Variants in PCDH17 observed in about 807,000 individuals in gnomAD.
PCDH17 encodes protocadherin 17.
A neutral mutation model predicts 67.7 loss-of-function variants in PCDH17; 21 were observed. That is an observed-to-expected ratio of 0.31 (90% CI 0.22 to 0.45). The LOEUF (loss-of-function observed/expected upper bound fraction) is 0.45, where lower values mean the gene tolerates loss of function less well. Ranked by LOEUF, PCDH17 falls within the 20% of genes least tolerant of loss-of-function variation. PCDH17 has a pLI of 1.00. For missense variants in PCDH17, 1,471 were observed against 1,564.8 expected, an observed-to-expected ratio of 0.94 and a Z score of 1.01; for synonymous variants, 701 against 656.7, an observed-to-expected ratio of 1.07 and a Z score of -1.03.
At chr13:57,719,512 A>G (rs772893265) in intron 3 of PCDH17, among the ~76,000 whole-genome samples, 2 of 152,038 alleles carry the variant, frequency 1.3e-5, no homozygotes, top group Non-Finnish European at 2.9e-5. Flanking sequence ...TGCAAACTAT[A>G]TGTACGTTTT....
chr13:57,665,254 C>A (rs918140562), intron 1 of PCDH17, among the ~76,000 whole-genome samples: 1 of 43,136 alleles, frequency 2.3e-5, no homozygotes, highest in Non-Finnish European at 4.2e-5. Context: ...AATAAACTAT[C>A]ATTCTTTAAT....
intron 3 of PCDH17, among the ~76,000 whole-genome samples, chr13:57,721,432 C>A (rs946321054): frequency 6.0e-5 from 9 of 150,826 alleles, no homozygotes; most frequent in African/African-American, 1.9e-4. Context: ...TTTTTCATTT[C>A]CATAGCTTAT....
At chr13:57,663,787 C>A (rs1566226758) in intron 1 of PCDH17, among the ~76,000 whole-genome samples, 1 of 152,178 alleles carries the variant, frequency 6.6e-6, no homozygotes, top group Admixed American at 6.6e-5. Flanking sequence ...AAACCAACTT[C>A]TTTTTTCTAC....
chr13:57,643,578 G>A (rs984980082), intron 1 of PCDH17, among the ~76,000 whole-genome samples: 1 of 151,492 alleles, frequency 6.6e-6, no homozygotes, highest in Admixed American at 6.6e-5. Context: ...TGCTCTTGCA[G>A]TTTTGCATCT....
intron 3 of PCDH17, among the ~76,000 whole-genome samples, chr13:57,671,643 A>G (rs1469530949): frequency 6.6e-6 from 1 of 152,082 alleles, no homozygotes; most frequent in East Asian, 1.9e-4. Context: ...ATTGATTTCT[A>G]ACTAATAAAT....
At chr13:57,646,911 C>A (rs575057941) in intron 1 of PCDH17, among the ~76,000 whole-genome samples, 28 of 151,848 alleles carry the variant, frequency 1.8e-4, no homozygotes, top group Non-Finnish European at 3.2e-4. Context: ...CAACCTTGAT[C>A]CAGGGGGATG....
chr13:57,657,586 G>A (rs1955122142), intron 1 of PCDH17, among the ~76,000 whole-genome samples: 1 of 152,202 alleles, frequency 6.6e-6, no homozygotes, highest in South Asian at 2.1e-4. Context: ...AAGGCTTAAA[G>A]TGAATTATTC....
rs933727910 is a variant in PCDH17 at position 57,689,343 on chromosome 13, A to G, written c.2797+22510A>G. Among the ~76,000 whole-genome samples the G allele has an allele frequency of 2.6e-5, 4 of 152,024 alleles. No homozygotes were observed. In the East Asian group the frequency reaches 7.8e-4, roughly 29 times the overall value. On this transcript the variant is annotated intron_variant, in intron 3 of 3. Transcript: ENST00000377918. Reference sequence around the variant, plus strand: ...TACTTGTCTGGCATATTGAATCGAAAGCACAAAGTCCAGCATGGCTGAGGG... The same window carrying G: ...TACTTGTCTGGCATATTGAATCGAAGGCACAAAGTCCAGCATGGCTGAGGG...
rs1955916196 is a variant in PCDH17, at chr13:57,726,304, A to G, written c.*1010A>G. On this transcript the variant is annotated 3_prime_UTR_variant, in exon 4 of 4. Transcript: ENST00000377918. ...AGAAGATTCAATGTGTTTACATCAA[A>G]TGACATATTTTATTGATTTATTGCA... The G allele has an allele frequency of 6.6e-6, 1 of 152,648 alleles. No individual in the cohort carries two copies. Among genetic ancestry groups the G allele is most frequent in the African/African-American group, 2.4e-5 (1 of 41,460 alleles). The allele number at this position is 152,648 out of a possible 1,614,324, so 9.5% of individuals were successfully genotyped here. A position where few individuals can be genotyped will look rare whatever the true frequency, so the allele number is the denominator to read the frequency against.
chr13:57,706,601 T>C (rs1955723853), intron 3 of PCDH17, among the ~76,000 whole-genome samples: 1 of 152,230 alleles, frequency 6.6e-6, no homozygotes, highest in Non-Finnish European at 1.5e-5. Flanking sequence ...TCCATGATGG[T>C]TTATTCTTCA....
intron 1 of PCDH17, among the ~76,000 whole-genome samples, chr13:57,653,285 G>A (rs1201480225): frequency 6.6e-6 from 1 of 152,130 alleles, no homozygotes; most frequent in East Asian, 1.9e-4. Context: ...ATCTAATTCA[G>A]AGCTGAATAG....
At chr13:57,683,289 C>T (rs923371955) in intron 3 of PCDH17, among the ~76,000 whole-genome samples, 5 of 151,792 alleles carry the variant, frequency 3.3e-5, no homozygotes, top group African/African-American at 1.2e-4. Context: ...GTATTAAGAA[C>T]TTCCATCAGG....
chr13:57,670,222 T>G lies in PCDH17; in HGVS notation c.2797+3389T>G, dbSNP rs1203639228. Among the ~76,000 whole-genome samples, 3 of 152,138 alleles carry G rather than the reference T, an allele frequency of 2.0e-5. No homozygotes were observed. In the East Asian group the frequency reaches 5.8e-4, roughly 29 times the overall value. On this transcript the variant is annotated intron_variant, in intron 3 of 3. Transcript: ENST00000377918. ...CAAGCAGCTATTGTCTTGATCAATG[T>G]ATTTATTTATTCTATTTGAAAAACA...
At chr13:57,710,689 T>C (rs1955768014) in intron 3 of PCDH17, among the ~76,000 whole-genome samples, 2 of 152,076 alleles carry the variant, frequency 1.3e-5, no homozygotes, top group South Asian at 4.1e-4. Flanking sequence ...GTTTAATCAC[T>C]ACTTAAGAAA....
At chr13:57,650,052 C>A (rs2137997878) in intron 1 of PCDH17, among the ~76,000 whole-genome samples, 1 of 152,112 alleles carries the variant, frequency 6.6e-6, no homozygotes, top group South Asian at 2.1e-4. Flanking sequence ...AAAATTATGT[C>A]CTTTGTGTTT....
At chr13:57,647,188 G>C (rs545356869) in intron 1 of PCDH17, among the ~76,000 whole-genome samples, 1 of 151,908 alleles carries the variant, frequency 6.6e-6, no homozygotes, top group Admixed American at 6.6e-5. Flanking sequence ...GTACTTTTTA[G>C]TCTTTATATC....
intron 1 of PCDH17, among the ~76,000 whole-genome samples, chr13:57,639,504 A>T (rs1174759547): frequency 6.6e-6 from 1 of 151,842 alleles, no homozygotes; most frequent in Non-Finnish European, 1.5e-5. Context: ...GAAACCAGAG[A>T]ATCTTGTTTT....
chr13:57,651,859 C>T (rs922044671), intron 1 of PCDH17, among the ~76,000 whole-genome samples: 4 of 152,082 alleles, frequency 2.6e-5, no homozygotes, highest in Non-Finnish European at 4.4e-5. Context: ...TTGTTAAAAG[C>T]AAATTACATA....
At chr13:57,711,802 A>G (rs932086757) in intron 3 of PCDH17, among the ~76,000 whole-genome samples, 4 of 151,378 alleles carry the variant, frequency 2.6e-5, no homozygotes, top group African/African-American at 4.8e-5. Context: ...TTTTGTTTCA[A>G]TTATCTCCCA....
Sources: gnomAD v4.1 joint callset for allele counts (sites outside exome capture counted in the v4.1 genomes callset) on GRCh38, gnomAD v4.1.1 for gene constraint, MANE v1.5 for transcripts, NCBI Gene and HGNC (gene_info 2026-07-23, HGNC 2026-07-21) for gene names.